The following ARFIP1 variants were observed in gnomAD, a reference collection of about 807,000 sequenced individuals.
ARFIP1 encodes the protein ARF interacting protein 1, also known as arfaptin-1.
Under a neutral mutation model 42.5 loss-of-function variants are expected in ARFIP1, and 24 were observed. The ratio of observed to expected loss-of-function variants is 0.57; its 90% CI spans 0.41 to 0.80. The LOEUF (loss-of-function observed/expected upper bound fraction) is 0.80. Among genes scored for constraint, ARFIP1 ranks in the 30% least tolerant of loss-of-function variants. The pLI, the probability that ARFIP1 is intolerant of heterozygous loss-of-function variation, is 0.00. For missense variants in ARFIP1, 354 were observed against 434.0 expected, an observed-to-expected ratio of 0.82 and a Z score of 1.64; for synonymous variants, 141 against 153.7, an observed-to-expected ratio of 0.92 and a Z score of 0.61.
chr4:152,874,852 C>T (rs1206509713), intron 5 of ARFIP1, among the ~76,000 whole-genome samples: 1 of 152,024 alleles, frequency 6.6e-6, no homozygotes, highest in Non-Finnish European at 1.5e-5. Context: ...TTGTGGAGAG[C>T]GAGTCTCCCT....
At chr4:152,813,652 T>G (rs1226794127) in intron 1 of ARFIP1, among the ~76,000 whole-genome samples, 3 of 152,216 alleles carry the variant, frequency 2.0e-5, no homozygotes, top group African/African-American at 7.2e-5. Context: ...AATGCACTGC[T>G]TCACTTGAAA....
intron 2 of ARFIP1, among the ~76,000 whole-genome samples, chr4:152,839,666 C>G (rs1280494154): frequency 6.6e-6 from 1 of 152,082 alleles, no homozygotes; most frequent in Admixed American, 6.5e-5. Flanking sequence ...TGAATTTTCT[C>G]TCTTCTTTTC....
At chr4:152,809,843 A>G (rs988134884) in intron 1 of ARFIP1, 2 of 152,158 alleles carry the variant, frequency 1.3e-5, no homozygotes, top group Non-Finnish European at 2.9e-5. Flanking sequence ...CCTATTACAA[A>G]TGCACTCTTT....
intron 8 of ARFIP1, among the ~76,000 whole-genome samples, chr4:152,897,350 G>A (rs148902090): frequency 0.015 from 2,268 of 151,732 alleles, 25 homozygotes; most frequent in Non-Finnish European, 0.021. Flanking sequence ...CTAAGATTCC[G>A]GCATGACAAT....
rs547949922 is a variant in ARFIP1, at chr4:152,801,303, G to A, written c.-10+21077G>A. Among the ~76,000 whole-genome samples the A allele has an allele frequency of 3.3e-5, 5 of 152,242 alleles. No individual in the cohort carries two copies. The East Asian group carries it at 5.8e-4, about 18-fold the overall frequency. ...CCTAAATGAGGTGAGGAAGAGAATCGTGAAAATCCAGGAGTAAGAATTTTC... is the reference window on the plus strand; with the variant it reads ...CCTAAATGAGGTGAGGAAGAGAATCATGAAAATCCAGGAGTAAGAATTTTC... On this transcript the variant is annotated intron_variant, in intron 1 of 8. Transcript: ENST00000353617.
intron 2 of ARFIP1, among the ~76,000 whole-genome samples, chr4:152,840,637 C>T (rs999871657): frequency 2.8e-4 from 43 of 151,306 alleles, no homozygotes; most frequent in Non-Finnish European, 2.9e-5. Flanking sequence ...TATCTGAGTC[C>T]TTATGTGTTA....
chr4:152,801,990 A>G (rs1361200480), intron 1 of ARFIP1, among the ~76,000 whole-genome samples: 1 of 152,176 alleles, frequency 6.6e-6, no homozygotes, highest in Non-Finnish European at 1.5e-5. Context: ...TAGTTCTGCA[A>G]TTTCATTAAG....
At chr4:152,850,218 C>T (rs1482946909) in intron 2 of ARFIP1, among the ~76,000 whole-genome samples, 1 of 152,176 alleles carries the variant, frequency 6.6e-6, no homozygotes, top group Non-Finnish European at 1.5e-5. Flanking sequence ...CCTACCATAA[C>T]ATTAGTGGAC....
intron 8 of ARFIP1, among the ~76,000 whole-genome samples, chr4:152,903,315 T>TA (rs1738003872): frequency 6.6e-6 from 1 of 152,210 alleles, no homozygotes. Context: ...ATTTAGAAGA[T>TA]ACACTACCAA....
chr4:152,900,979 C>T (rs766023696), intron 8 of ARFIP1, among the ~76,000 whole-genome samples: 3 of 152,086 alleles, frequency 2.0e-5, no homozygotes, highest in Non-Finnish European at 4.4e-5. Context: ...TAGGTTGGTG[C>T]AAAAGTAATT....
chr4:152,884,003 G>A (rs1482271492), intron 7 of ARFIP1, among the ~76,000 whole-genome samples: 1 of 151,778 alleles, frequency 6.6e-6, no homozygotes, highest in Non-Finnish European at 1.5e-5. Flanking sequence ...TAGTATTTTT[G>A]CAATTGAGTG....
chr4:152,797,198 A>G (rs1731522570), intron 1 of ARFIP1, among the ~76,000 whole-genome samples: 1 of 152,200 alleles, frequency 6.6e-6, no homozygotes, highest in Non-Finnish European at 1.5e-5. Context: ...ATGGATACCT[A>G]GTTTTCCTGG....
intron 8 of ARFIP1, among the ~76,000 whole-genome samples, chr4:152,907,604 T>A (rs1470679819): frequency 6.6e-6 from 1 of 152,240 alleles, no homozygotes; most frequent in Non-Finnish European, 1.5e-5. Context: ...CATATGAATA[T>A]ATCATTCAGT....
intron 1 of ARFIP1, among the ~76,000 whole-genome samples, chr4:152,799,275 A>T (rs1483469031): frequency 6.6e-6 from 1 of 152,236 alleles, no homozygotes; most frequent in East Asian, 1.9e-4. Flanking sequence ...CAAATAAATT[A>T]GTTATTATTT....
chr4:152,888,929 C>T (rs562025113), intron 8 of ARFIP1, among the ~76,000 whole-genome samples: 1 of 152,240 alleles, frequency 6.6e-6, no homozygotes, highest in East Asian at 1.9e-4. Context: ...TTTGACATAT[C>T]TCTATTACTT....
chr4:152,812,435 C>T (rs1012587817), intron 1 of ARFIP1, among the ~76,000 whole-genome samples: 2 of 152,226 alleles, frequency 1.3e-5, no homozygotes, highest in Non-Finnish European at 2.9e-5. Context: ...TCAGGCCATT[C>T]TCCCTCCTGG....
At chr4:152,852,369 G>GC (rs1480722547) in intron 2 of ARFIP1, among the ~76,000 whole-genome samples, 1 of 152,180 alleles carries the variant, frequency 6.6e-6, no homozygotes, top group Non-Finnish European at 1.5e-5. Context: ...GGTGGCTCAT[G>GC]CCCGTAATCC....
chr4:152,864,281 C>G (rs1427915615), intron 3 of ARFIP1, among the ~76,000 whole-genome samples: 1 of 152,132 alleles, frequency 6.6e-6, no homozygotes, highest in African/African-American at 2.4e-5. Flanking sequence ...CTGACTCTTC[C>G]AAGCTGTTCT....
At chr4:152,905,554 T>TTTTTTTGTTTTG in intron 8 of ARFIP1, among the ~76,000 whole-genome samples, 1 of 114,486 alleles carries the variant, frequency 8.7e-6, no homozygotes, top group African/African-American at 3.3e-5. Context: ...TGTTTTTTTT[T>TTTTTTTGTTTTG]TTTTTTTTTT....
Sources: allele counts gnomAD v4.1 joint callset (sites outside exome capture counted in the v4.1 genomes callset), GRCh38; gene constraint gnomAD v4.1.1; transcripts MANE v1.5; gene names NCBI Gene and HGNC (gene_info 2026-07-23, HGNC 2026-07-21).